The following ARID5B variants were observed in gnomAD, a reference collection of about 807,000 sequenced individuals.
The protein encoded by ARID5B is AT-rich interaction domain 5B.
A neutral mutation model predicts 97.2 loss-of-function variants in ARID5B; 13 were observed. That is an observed-to-expected ratio of 0.13 (90% CI 0.09 to 0.21). The LOEUF (loss-of-function observed/expected upper bound fraction) is 0.21. Among genes scored for constraint, ARID5B ranks in the 10% least tolerant of loss-of-function variants. The pLI, the probability that ARID5B is intolerant of heterozygous loss-of-function variation, is 1.00. For missense variants in ARID5B, 1,210 were observed against 1,465.3 expected (o/e 0.83, Z 2.84); for synonymous variants, 556 against 570.3 (o/e 0.97, Z 0.36).
intron 9 of ARID5B, among the ~76,000 whole-genome samples, chr10:62,087,532 T>TAAA (rs769545599): frequency 3.0e-5 from 4 of 133,220 alleles, no homozygotes; most frequent in Admixed American, 7.6e-5. Flanking sequence ...TGCTGCCCAT[T>TAAA]AAAAAAAAAA....
At chr10:61,981,769 C>T (rs1296203879) in intron 3 of ARID5B, among the ~76,000 whole-genome samples, 2 of 152,182 alleles carry the variant, frequency 1.3e-5, no homozygotes, top group Non-Finnish European at 2.9e-5. Flanking sequence ...CCCACAATGT[C>T]TGTTCCTCAA....
chr10:62,091,201 T>C lies in ARID5B; in HGVS notation c.1738T>C (p.Cys580Arg). ...GGACTCAAAACAAGAATCCAAACTG[T>C]GCTGTTTTACAGAGAGCCCTGAAAG... Reference protein sequence around the residue: ...LVDSKQESKLCCFTESPESEP... With the variant: ...LVDSKQESKLRCFTESPESEP... Residue 580 changes from cysteine (C) to arginine (R), a missense_variant, in exon 10 of 10, where the codon TGC (cysteine) becomes CGC (arginine). By Grantham distance (180) the Cys-to-Arg change is radical. Coordinates refer to ENST00000279873, the MANE Select transcript of ARID5B (RefSeq NM_032199.3). 2 of 1,614,118 alleles carry C rather than the reference T, an allele frequency of 1.2e-6. No individual in the cohort carries two copies. Among genetic ancestry groups the C allele is most frequent in the Non-Finnish European group, 1.7e-6 (2 of 1,180,030 alleles).
intron 4 of ARID5B, among the ~76,000 whole-genome samples, chr10:62,045,394 G>T (rs76015782): frequency 0.017 from 2,541 of 151,712 alleles, 31 homozygotes; most frequent in Non-Finnish European, 0.026. Flanking sequence ...AATTAGGGTA[G>T]GTTACTCCTC....
At chr10:62,011,618 C>CT (rs1385586962) in intron 4 of ARID5B, among the ~76,000 whole-genome samples, 14 of 152,214 alleles carry the variant, frequency 9.2e-5, no homozygotes, top group Non-Finnish European at 2.9e-5. Context: ...CACCCTCAGT[C>CT]TTGCCATAAG....
chr10:62,065,763 G>A (rs924442020), intron 7 of ARID5B, among the ~76,000 whole-genome samples: 3 of 148,744 alleles, frequency 2.0e-5, no homozygotes, highest in Non-Finnish European at 3.0e-5. Flanking sequence ...GGAGGATAGC[G>A]TGAACCTGGA....
At chr10:61,908,273 C>T (rs773897200) in intron 2 of ARID5B, among the ~76,000 whole-genome samples, 28 of 152,078 alleles carry the variant, frequency 1.8e-4, no homozygotes, top group Admixed American at 6.5e-4. Flanking sequence ...AAATAGTTTG[C>T]GATGTGACCC....
intron 3 of ARID5B, among the ~76,000 whole-genome samples, chr10:61,948,366 A>T: frequency 7.7e-6 from 1 of 130,114 alleles, no homozygotes; most frequent in African/African-American, 2.9e-5. Flanking sequence ...TTATCTTAGG[A>T]TACACTTTAG....
intron 2 of ARID5B, among the ~76,000 whole-genome samples, chr10:61,922,157 G>A (rs1486438748): frequency 6.6e-6 from 1 of 152,168 alleles, no homozygotes; most frequent in Non-Finnish European, 1.5e-5. Flanking sequence ...AAGCCATATC[G>A]GGTCTTTTTT....
chr10:61,968,343 C>T (rs1838577011), intron 3 of ARID5B, among the ~76,000 whole-genome samples: 1 of 151,956 alleles, frequency 6.6e-6, no homozygotes, highest in Non-Finnish European at 1.5e-5. Flanking sequence ...TAATGGGCTA[C>T]AAACCTACAG....
rs1400580495 is a variant in ARID5B at position 62,096,612 on chromosome 10, G to C, written c.*3582G>C. On this transcript the variant is annotated 3_prime_UTR_variant, in exon 10 of 10. Coordinates refer to ENST00000279873, the MANE Select transcript of ARID5B (RefSeq NM_032199.3). Reference sequence around the variant, plus strand: ...TGTTTATACTTTTTTAAACTTTCCTGTGTTGTAAATATTGTATACTTTTGG... The same window carrying C: ...TGTTTATACTTTTTTAAACTTTCCTCTGTTGTAAATATTGTATACTTTTGG... 1 of 233,534 alleles carries C rather than the reference G, an allele frequency of 4.3e-6. No homozygotes were observed. Among genetic ancestry groups the C allele is most frequent in the Non-Finnish European group, 8.5e-6 (1 of 117,984 alleles). The allele number at this position is 233,534 out of a possible 1,614,324, so 14.5% of individuals were successfully genotyped here.
Position 62,093,109 on chromosome 10 carries a change from T to C in ARID5B, c.*79T>C. 6.6e-7 allele frequency: 1 copy of C among 1,506,424 alleles called. No individual in the cohort carries two copies. The highest frequency in any genetic ancestry group is 8.8e-7 in the Non-Finnish European group (1 of 1,134,926). The allele number at this position is 1,506,424 out of a possible 1,614,324, so 93.3% of individuals were successfully genotyped here. A position where few individuals can be genotyped will look rare whatever the true frequency, so the allele number is the denominator to read the frequency against. On this transcript the variant is annotated 3_prime_UTR_variant, in exon 10 of 10. Coordinates refer to ENST00000279873, the MANE Select transcript of ARID5B (RefSeq NM_032199.3). ...TACCCAGGAGTGCTGGCTTATAGAG[T>C]TAGAAGTCAGTATTTCTTCTAATCT...
intron 3 of ARID5B, among the ~76,000 whole-genome samples, chr10:61,947,673 A>G (rs1289909620): frequency 6.6e-6 from 1 of 152,230 alleles, no homozygotes. Context: ...CATCTAATTA[A>G]ATAGTTGAAT....
At chr10:61,908,799 CAAAAAA>C (rs369792859) in intron 2 of ARID5B, among the ~76,000 whole-genome samples, 8 of 50,994 alleles carry the variant, frequency 1.6e-4, no homozygotes, top group African/African-American at 5.7e-4. Flanking sequence ...GACTCCATCT[CAAAAAA>C]AAAAAAAAAA....
chr10:62,022,988 C>CT (rs1839375537), intron 4 of ARID5B, among the ~76,000 whole-genome samples: 1 of 152,192 alleles, frequency 6.6e-6, no homozygotes, highest in African/African-American at 2.4e-5. Context: ...TTAGTCAATG[C>CT]TGGAAACAAG....
chr10:62,011,897 C>T (rs551915492), intron 4 of ARID5B, among the ~76,000 whole-genome samples: 32 of 152,112 alleles, frequency 2.1e-4, no homozygotes, highest in Non-Finnish European at 3.5e-4. Context: ...CTGAAGGGCA[C>T]GGCATCACAG....
At chr10:62,024,843 A>G in intron 4 of ARID5B, 1 of 368,682 alleles carries the variant, frequency 2.7e-6, no homozygotes, top group Non-Finnish European at 4.9e-6. Flanking sequence ...GCTTGGAAAG[A>G]ACTTTTAAAA....
At chr10:61,993,510 G>A (rs545742468) in intron 3 of ARID5B, among the ~76,000 whole-genome samples, 6 of 152,076 alleles carry the variant, frequency 3.9e-5, no homozygotes, top group African/African-American at 1.2e-4. Flanking sequence ...ATTACCTTCC[G>A]AGAAATTATA....
At chr10:62,024,547 C>T in intron 4 of ARID5B, 1 of 366,760 alleles carries the variant, frequency 2.7e-6, no homozygotes. Flanking sequence ...CTCTTTGGGT[C>T]AAATGTTTCC....
At chr10:61,962,770 A>T (rs748786776) in intron 3 of ARID5B, among the ~76,000 whole-genome samples, 1 of 152,228 alleles carries the variant, frequency 6.6e-6, no homozygotes, top group African/African-American at 2.4e-5. Context: ...CCCATATATG[A>T]GCAGTACCTT....
Sources: gnomAD v4.1 joint callset for allele counts (sites outside exome capture counted in the v4.1 genomes callset) on GRCh38, gnomAD v4.1.1 for gene constraint, MANE v1.5 for transcripts, NCBI Gene and HGNC (gene_info 2026-07-23, HGNC 2026-07-21) for gene names.